The following TTC27 variants were observed in gnomAD, a reference collection of about 807,000 sequenced individuals.
TTC27 encodes the protein tetratricopeptide repeat protein 27.
A neutral mutation model predicts 115.9 loss-of-function variants in TTC27; 79 were observed. The observed-to-expected ratio is 0.68, with a 90% CI of 0.57 to 0.82. TTC27 has a LOEUF of 0.82. Among genes scored for constraint, TTC27 ranks in the 40% least tolerant of loss-of-function variants. TTC27 has a pLI of 0.00. For missense variants in TTC27, 1,054 were observed against 993.1 expected (o/e 1.06, Z -0.82); for synonymous variants, 401 against 356.0 (o/e 1.13, Z -1.42).
intron 4 of TTC27, among the ~76,000 whole-genome samples, chr2:32,646,022 A>T: frequency 9.3e-6 from 1 of 108,022 alleles, no homozygotes. Context: ...CCCGGCCTCA[A>T]TTTTCAATTT....
chr2:32,637,728 T>C (rs1027786347), intron 3 of TTC27, among the ~76,000 whole-genome samples: 1 of 152,178 alleles, frequency 6.6e-6, no homozygotes, highest in Non-Finnish European at 1.5e-5. Context: ...TACTTGAATT[T>C]ACAACATGAT....
intron 12 of TTC27, among the ~76,000 whole-genome samples, chr2:32,749,397 A>C (rs1038767397): frequency 2.6e-5 from 4 of 152,194 alleles, no homozygotes; most frequent in African/African-American, 9.7e-5. Context: ...CGAAGATTGC[A>C]GGCTCTTGGT....
Position 32,649,417 on chromosome 2 carries a change from C to T in TTC27, c.538-714C>T, listed in dbSNP as rs563158183. Among the ~76,000 whole-genome samples, 14 of 152,200 alleles carry T rather than the reference C, an allele frequency of 9.2e-5. 1 individual carries two copies. The highest frequency in any genetic ancestry group is 3.4e-3 in the Middle Eastern group (1 of 294). Reference sequence around the variant, plus strand: ...GTGGAATGTGTTTGCAAGGGAATTACAGATAATGTGCTGGAAGTTCAGGTG... The same window carrying T: ...GTGGAATGTGTTTGCAAGGGAATTATAGATAATGTGCTGGAAGTTCAGGTG... On this transcript the variant is annotated intron_variant, in intron 4 of 19. Coordinates refer to ENST00000317907, the MANE Select transcript of TTC27 (RefSeq NM_017735.5).
chr2:32,712,968 A>G (rs564523302), intron 10 of TTC27, among the ~76,000 whole-genome samples: 1 of 152,206 alleles, frequency 6.6e-6, no homozygotes, highest in East Asian at 1.9e-4. Flanking sequence ...AAAAGTATTG[A>G]GAGATGGCAC....
At chr2:32,634,980 C>G (rs1664358705) in intron 3 of TTC27, among the ~76,000 whole-genome samples, 1 of 152,088 alleles carries the variant, frequency 6.6e-6, no homozygotes, top group African/African-American at 2.4e-5. Flanking sequence ...TGATACTGTA[C>G]TTAAGAATGG....
chr2:32,661,448 G>A (rs1242439650), intron 5 of TTC27, among the ~76,000 whole-genome samples: 1 of 152,226 alleles, frequency 6.6e-6, no homozygotes, highest in East Asian at 1.9e-4. Context: ...ATTTCCTTGA[G>A]CAGTGGTTTG....
intron 7 of TTC27, 129 bp downstream of exon 7, chr2:32,666,897 G>A (rs911977834): frequency 7.0e-6 from 8 of 1,146,782 alleles, no homozygotes; most frequent in African/African-American, 1.6e-5. Flanking sequence ...GCCTTTTAAA[G>A]GTTGCTGAGT....
chr2:32,717,403 C>T (rs1164247772), intron 10 of TTC27, among the ~76,000 whole-genome samples: 3 of 152,118 alleles, frequency 2.0e-5, no homozygotes, highest in Non-Finnish European at 4.4e-5. Flanking sequence ...TGCAGTGCTC[C>T]GTGTCTAAGT....
At chr2:32,663,231 C>T (rs1021721200) in intron 5 of TTC27, among the ~76,000 whole-genome samples, 2 of 152,200 alleles carry the variant, frequency 1.3e-5, no homozygotes, top group Non-Finnish European at 2.9e-5. Flanking sequence ...TATGAAAAAA[C>T]TTCTGCAGCT....
At chr2:32,743,537 A>G (rs143790857) in intron 12 of TTC27, among the ~76,000 whole-genome samples, 47 of 152,312 alleles carry the variant, frequency 3.1e-4, no homozygotes, top group African/African-American at 1.1e-3. Flanking sequence ...GAGCCCCAAT[A>G]TAGCAGGTTT....
chr2:32,751,258 CCACACACACACACACACA>C (rs56183534), intron 12 of TTC27, among the ~76,000 whole-genome samples: 19 of 140,852 alleles, frequency 1.3e-4, no homozygotes, highest in Middle Eastern at 7.3e-3. Context: ...GTAGGTTAAA[CCACACACACACACACACA>C]CACACACACA....
intron 19 of TTC27, among the ~76,000 whole-genome samples, chr2:32,819,833 AT>A (rs1671620749): frequency 6.6e-6 from 1 of 152,174 alleles, no homozygotes; most frequent in Non-Finnish European, 1.5e-5. Flanking sequence ...TCAGCAAATT[AT>A]TCACTTTTTT....
At chr2:32,785,920 T>C (rs1670332403) in intron 15 of TTC27, among the ~76,000 whole-genome samples, 1 of 139,918 alleles carries the variant, frequency 7.1e-6, no homozygotes, top group Admixed American at 7.0e-5. Flanking sequence ...CCTCTTTCAA[T>C]ACTGAAATTT....
intron 9 of TTC27, among the ~76,000 whole-genome samples, chr2:32,700,485 G>A (rs984839625): frequency 2.0e-5 from 3 of 152,084 alleles, no homozygotes; most frequent in Non-Finnish European, 4.4e-5. Flanking sequence ...ACCCGTTATG[G>A]GTAGTGGAAT....
chr2:32,680,659 T>G (rs1572509439), intron 9 of TTC27, among the ~76,000 whole-genome samples: 1 of 151,978 alleles, frequency 6.6e-6, no homozygotes, highest in African/African-American at 2.4e-5. Flanking sequence ...AGTGTCTAGG[T>G]GATGAATGGT....
At chr2:32,675,551 C>T (rs1020775831) in intron 8 of TTC27, among the ~76,000 whole-genome samples, 4 of 152,238 alleles carry the variant, frequency 2.6e-5, no homozygotes, top group African/African-American at 9.6e-5. Context: ...GTAGAAACCA[C>T]TTGCTTATTT....
intron 5 of TTC27, among the ~76,000 whole-genome samples, chr2:32,662,852 C>G (rs1161688942): frequency 6.6e-6 from 1 of 152,102 alleles, no homozygotes; most frequent in African/African-American, 2.4e-5. Context: ...TTCTCTAGTT[C>G]TTTCAATTGT....
chr2:32,787,478 C>T (rs1670388991), intron 16 of TTC27, among the ~76,000 whole-genome samples: 1 of 152,138 alleles, frequency 6.6e-6, no homozygotes, highest in Non-Finnish European at 1.5e-5. Flanking sequence ...TGTTCTCTGA[C>T]TTTTGGTAGC....
chr2:32,657,420 C>A (rs1200546674), intron 5 of TTC27, among the ~76,000 whole-genome samples: 3 of 141,962 alleles, frequency 2.1e-5, no homozygotes, highest in Non-Finnish European at 3.0e-5. Flanking sequence ...GTGGCATGAT[C>A]TTGGCTCACT....
Sources: allele counts gnomAD v4.1 joint callset (sites outside exome capture counted in the v4.1 genomes callset), GRCh38; gene constraint gnomAD v4.1.1; transcripts MANE v1.5; gene names NCBI Gene and HGNC (gene_info 2026-07-23, HGNC 2026-07-21).